Variants in ATXN1 observed in about 807,000 individuals in gnomAD.
The protein encoded by ATXN1 is ataxin-1.
A neutral mutation model predicts 56.4 loss-of-function variants in ATXN1; 8 were observed. The ratio of observed to expected loss-of-function variants is 0.14; its 90% confidence interval spans 0.08 to 0.26. ATXN1 has a LOEUF of 0.26. Ranked by LOEUF, ATXN1 falls within the 10% of genes least tolerant of loss-of-function variation. The pLI is 1.00. For missense variants in ATXN1, 987 were observed against 1,106.5 expected, an observed-to-expected ratio of 0.89 and a Z score of 1.53; for synonymous variants, 514 against 494.6, an observed-to-expected ratio of 1.04 and a Z score of -0.52.
chr6:16,585,115 C>T (rs992993775), intron 4 of ATXN1, among the ~76,000 whole-genome samples: 1 of 151,478 alleles, frequency 6.6e-6, no homozygotes, highest in African/African-American at 2.4e-5. Context: ...GTGATGTGCA[C>T]CTGTAGTCCC....
chr6:16,428,142 T>C (rs1759197168), intron 6 of ATXN1, among the ~76,000 whole-genome samples: 1 of 148,284 alleles, frequency 6.7e-6, no homozygotes, highest in Non-Finnish European at 1.5e-5. Context: ...TTCTGAGATG[T>C]AGTTTTGCTC....
chr6:16,429,356 T>C (rs1421128090), intron 6 of ATXN1, among the ~76,000 whole-genome samples: 1 of 136,048 alleles, frequency 7.4e-6, no homozygotes, highest in Non-Finnish European at 1.6e-5. Context: ...GATAACAGGA[T>C]GTTTGGAGTC....
At chr6:16,751,007 C>T (rs562835391) in intron 2 of ATXN1, among the ~76,000 whole-genome samples, 3 of 142,538 alleles carry the variant, frequency 2.1e-5, no homozygotes, top group East Asian at 4.2e-4. Flanking sequence ...CTCACTCTGT[C>T]GCCCAGGCTG....
intron 2 of ATXN1, among the ~76,000 whole-genome samples, chr6:16,742,828 AC>A (rs1413562409): frequency 6.6e-6 from 1 of 152,140 alleles, no homozygotes; most frequent in African/African-American, 2.4e-5. Context: ...TGGTCACCCT[AC>A]CCCTTTAAGC....
At chr6:16,495,194 G>C (rs148016979) in intron 5 of ATXN1, among the ~76,000 whole-genome samples, 51 of 152,290 alleles carry the variant, frequency 3.3e-4, no homozygotes, top group African/African-American at 1.2e-3. Context: ...GTCTGTTTCA[G>C]TTCCTGCTCT....
chr6:16,603,491 C>A (rs894402377), intron 3 of ATXN1, among the ~76,000 whole-genome samples: 1 of 152,174 alleles, frequency 6.6e-6, no homozygotes, highest in East Asian at 1.9e-4. Flanking sequence ...GCGGCCAGAA[C>A]CTCATTGAAA....
intron 6 of ATXN1, among the ~76,000 whole-genome samples, chr6:16,441,091 T>A (rs909163958): frequency 6.6e-6 from 1 of 152,112 alleles, no homozygotes; most frequent in Non-Finnish European, 1.5e-5. Context: ...AGAATCCAAT[T>A]CATGGGGTGA....
At chr6:16,643,968 ACT>A (rs1439175410) in intron 3 of ATXN1, among the ~76,000 whole-genome samples, 1 of 152,202 alleles carries the variant, frequency 6.6e-6, no homozygotes, top group Non-Finnish European at 1.5e-5. Flanking sequence ...TATTTGAAAC[ACT>A]GTTATTAAAA....
chr6:16,316,040 A>C (rs1050922874), intron 7 of ATXN1, among the ~76,000 whole-genome samples: 1 of 152,190 alleles, frequency 6.6e-6, no homozygotes, highest in African/African-American at 2.4e-5. Flanking sequence ...GTAGCAGTCC[A>C]TGGCCTGTTA....
At chr6:16,411,394 T>G (rs1304762552) in intron 6 of ATXN1, among the ~76,000 whole-genome samples, 1 of 152,104 alleles carries the variant, frequency 6.6e-6, no homozygotes, top group Non-Finnish European at 1.5e-5. Flanking sequence ...AGTACATTAG[T>G]AAGTATGCAA....
chr6:16,403,657 T>C (rs1253031095), intron 6 of ATXN1, among the ~76,000 whole-genome samples: 1 of 152,122 alleles, frequency 6.6e-6, no homozygotes, highest in African/African-American at 2.4e-5. Flanking sequence ...GGCCCTAAGC[T>C]CTTTAAATGC....
chr6:16,526,064 T>TATATATATATATACACAC (rs370698828), intron 4 of ATXN1, among the ~76,000 whole-genome samples: 34 of 133,310 alleles, frequency 2.6e-4, no homozygotes, highest in African/African-American at 6.5e-4. Flanking sequence ...TATATATATA[T>TATATATATATATACACAC]ACATACATAC....
At chr6:16,391,378 C>T (rs1758353063) in intron 6 of ATXN1, among the ~76,000 whole-genome samples, 1 of 152,018 alleles carries the variant, frequency 6.6e-6, no homozygotes, top group Admixed American at 6.6e-5. Context: ...ACCATTGTGC[C>T]TTTTAGGAAA....
At chr6:16,529,016 T>C (rs1357939740) in intron 4 of ATXN1, among the ~76,000 whole-genome samples, 5 of 152,132 alleles carry the variant, frequency 3.3e-5, no homozygotes, top group Admixed American at 6.5e-5. Context: ...CCATCTCTAC[T>C]AAAAATACAG....
chr6:16,625,547 T>C (rs531863693), intron 3 of ATXN1, among the ~76,000 whole-genome samples: 10 of 152,232 alleles, frequency 6.6e-5, no homozygotes, highest in Non-Finnish European at 1.3e-4. Context: ...GAGCTGATAA[T>C]AGCAGGCAAT....
At chr6:16,693,041 A>G (rs1280715900) in intron 2 of ATXN1, among the ~76,000 whole-genome samples, 1 of 152,136 alleles carries the variant, frequency 6.6e-6, no homozygotes, top group Non-Finnish European at 1.5e-5. Context: ...TCCGCCACTC[A>G]CTAGTGCATG....
At chr6:16,743,212 T>C (rs1009411672) in intron 2 of ATXN1, among the ~76,000 whole-genome samples, 2 of 152,274 alleles carry the variant, frequency 1.3e-5, no homozygotes, top group Admixed American at 6.5e-5. Context: ...TGTGTGGTTA[T>C]AAGTGCAGTA....
chr6:16,443,129 C>T (rs1759552498), intron 6 of ATXN1, among the ~76,000 whole-genome samples: 1 of 147,788 alleles, frequency 6.8e-6, no homozygotes, highest in Non-Finnish European at 1.5e-5. Context: ...CTGCAGTGAG[C>T]CAAGACTGTA....
intron 2 of ATXN1, among the ~76,000 whole-genome samples, chr6:16,709,804 C>T (rs912603560): frequency 2.0e-5 from 3 of 152,038 alleles, no homozygotes; most frequent in Admixed American, 2.0e-4. Flanking sequence ...AACATAGTCG[C>T]AAAAATACTT....
Sources: allele counts gnomAD v4.1 joint callset (sites outside exome capture counted in the v4.1 genomes callset), GRCh38; gene constraint gnomAD v4.1.1; transcripts MANE v1.5; gene names NCBI Gene and HGNC (gene_info 2026-07-23, HGNC 2026-07-21).